Variants in NTRK2 observed in about 807,000 individuals in gnomAD.
The protein encoded by NTRK2 is neurotrophic receptor tyrosine kinase 2, also known as BDNF/NT-3 growth factors receptor.
Under a neutral mutation model 94.5 loss-of-function variants are expected in NTRK2, and 13 were observed. The ratio of observed to expected loss-of-function variants is 0.14; its 90% confidence interval spans 0.09 to 0.22. The LOEUF is 0.22. Among genes scored for constraint, NTRK2 ranks in the 10% least tolerant of loss-of-function variants. The pLI, the probability that NTRK2 is intolerant of heterozygous loss-of-function variation, is 1.00. For synonymous variants in NTRK2, 372 were observed against 407.4 expected, an observed-to-expected ratio of 0.91 and a Z score of 1.05; for missense variants, 639 against 1,071.2, an observed-to-expected ratio of 0.60 and a Z score of 5.63.
chr9:84,911,311 A>G (rs2077228735), intron 14 of NTRK2, among the ~76,000 whole-genome samples: 1 of 152,156 alleles, frequency 6.6e-6, no homozygotes, highest in African/African-American at 2.4e-5. Context: ...AAATGTATAA[A>G]TACTCTCTCC....
chr9:84,898,725 T>C (rs1269987564), intron 14 of NTRK2, among the ~76,000 whole-genome samples: 1 of 151,952 alleles, frequency 6.6e-6, no homozygotes, highest in East Asian at 1.9e-4. Context: ...TTTTCTCTTT[T>C]TTTTCCTCGC....
chr9:84,960,187 A>G (rs1824731003), intron 17 of NTRK2, among the ~76,000 whole-genome samples: 1 of 152,236 alleles, frequency 6.6e-6, no homozygotes, highest in African/African-American at 2.4e-5. Context: ...AACAGATTCC[A>G]GGAAATCATC....
intron 14 of NTRK2, among the ~76,000 whole-genome samples, chr9:84,926,222 CTTTCTTTCTTTT>C (rs1564471313): frequency 1.7e-5 from 2 of 116,914 alleles, no homozygotes; most frequent in African/African-American, 3.1e-5. Flanking sequence ...TTCTTTCTTT[CTTTCTTTCTTTT>C]TCTTTCCTTC....
At chr9:84,908,760 AG>A (rs1479678601) in intron 14 of NTRK2, among the ~76,000 whole-genome samples, 1 of 152,298 alleles carries the variant, frequency 6.6e-6, no homozygotes, top group East Asian at 1.9e-4. Flanking sequence ...AATGAATGGT[AG>A]CTTTTAGTGG....
At chr9:84,710,388 G>A (rs2061355330) in intron 5 of NTRK2, among the ~76,000 whole-genome samples, 1 of 152,028 alleles carries the variant, frequency 6.6e-6, no homozygotes, top group Non-Finnish European at 1.5e-5. Context: ...GGCTATTTCT[G>A]TCTCTATCTT....
At chr9:84,714,072 C>T (rs544074008) in intron 6 of NTRK2, among the ~76,000 whole-genome samples, 109 of 152,184 alleles carry the variant, frequency 7.2e-4, no homozygotes, top group African/African-American at 2.6e-3. Context: ...GCCACCTTTT[C>T]CTTAGTAGTT....
chr9:84,878,404 G>A (rs1426562039), intron 14 of NTRK2, among the ~76,000 whole-genome samples: 2 of 151,990 alleles, frequency 1.3e-5, no homozygotes, highest in Admixed American at 1.3e-4. Flanking sequence ...GGGAGGCTGA[G>A]GTGGGCAGAT....
chr9:84,876,206 A>C, intron 14 of NTRK2: 1 of 1,041,328 alleles, frequency 9.6e-7, no homozygotes, highest in Non-Finnish European at 1.2e-6. Context: ...TTTCCAATAA[A>C]GTGGTTGATA....
intron 12 of NTRK2, among the ~76,000 whole-genome samples, chr9:84,776,124 T>G (rs950717324): frequency 2.6e-5 from 4 of 151,840 alleles, no homozygotes; most frequent in Non-Finnish European, 1.5e-5. Context: ...TGTCTATCTA[T>G]CCAACTAGAT....
chr9:84,998,274 C>T (rs1183783069), intron 17 of NTRK2, among the ~76,000 whole-genome samples: 3 of 152,076 alleles, frequency 2.0e-5, no homozygotes, highest in African/African-American at 2.4e-5. Context: ...TTTGCTCTTG[C>T]CCCACTTCAA....
intron 12 of NTRK2, among the ~76,000 whole-genome samples, chr9:84,795,298 C>T: frequency 6.6e-6 from 1 of 152,136 alleles, no homozygotes; most frequent in East Asian, 1.9e-4. Context: ...TCAGACCTGC[C>T]GTGACCCCCA....
chr9:84,914,272 T>C (rs147910556), intron 14 of NTRK2, among the ~76,000 whole-genome samples: 5 of 152,348 alleles, frequency 3.3e-5, no homozygotes, highest in Admixed American at 6.5e-5. Flanking sequence ...ATTTTCATGA[T>C]GACTGCTTTA....
At chr9:84,827,698 G>A (rs957594031) in intron 12 of NTRK2, among the ~76,000 whole-genome samples, 2 of 152,242 alleles carry the variant, frequency 1.3e-5, no homozygotes, top group South Asian at 2.1e-4. Context: ...CTGATTTTAC[G>A]CTAATTCTCA....
rs531389208 is a variant in NTRK2 at position 84,820,694 on chromosome 9, C to T, written c.1397-40346C>T. On this transcript the variant is annotated intron_variant, in intron 12 of 18. Coordinates refer to ENST00000277120, the MANE Select transcript of NTRK2 (RefSeq NM_006180.6). ...GAAAAAAATTTGTGTATAAGCGGAC[C>T]TAAGCAGTTCCAACCTGCGTTGTTC... 2.0e-5 allele frequency among the ~76,000 whole-genome samples: 3 copies of T among 152,200 alleles called. No homozygotes were observed. The South Asian group carries it at 6.2e-4, about 32-fold the overall frequency.
chr9:85,018,623 TA>T (rs1291147901), intron 17 of NTRK2, among the ~76,000 whole-genome samples: 1 of 152,204 alleles, frequency 6.6e-6, no homozygotes, highest in African/African-American at 2.4e-5. Context: ...CACAGAGTTA[TA>T]AACAGGGCAG....
intron 15 of NTRK2, among the ~76,000 whole-genome samples, chr9:84,943,881 T>C (rs1280997708): frequency 6.6e-6 from 1 of 152,140 alleles, no homozygotes; most frequent in East Asian, 1.9e-4. Flanking sequence ...AGTGCCAAAT[T>C]CAGAAGATGA....
chr9:85,006,214 G>C (rs1830937219), intron 17 of NTRK2, among the ~76,000 whole-genome samples: 1 of 152,174 alleles, frequency 6.6e-6, no homozygotes, highest in Non-Finnish European at 1.5e-5. Flanking sequence ...AGTCCATTGA[G>C]AGAGAGGGAG....
chr9:84,724,453 A>G, intron 8 of NTRK2, 97 bp downstream of exon 8: 2 of 1,426,732 alleles, frequency 1.4e-6, no homozygotes, highest in South Asian at 2.3e-5. Context: ...TAAATTTGTT[A>G]AAAAAAGTAT....
chr9:84,826,056 C>T (rs938268589), intron 12 of NTRK2, among the ~76,000 whole-genome samples: 2 of 152,204 alleles, frequency 1.3e-5, no homozygotes, highest in African/African-American at 2.4e-5. Flanking sequence ...TTCCACCCCC[C>T]ACCCGCCATG....
Sources: gnomAD v4.1 joint callset for allele counts (sites outside exome capture counted in the v4.1 genomes callset) on GRCh38, gnomAD v4.1.1 for gene constraint, MANE v1.5 for transcripts, NCBI Gene and HGNC (gene_info 2026-07-23, HGNC 2026-07-21) for gene names.